The following FANCA variants were observed in gnomAD, a reference collection of about 807,000 sequenced individuals.
FANCA encodes the protein FA complementation group A.
A neutral mutation model predicts 194.3 loss-of-function variants in FANCA; 236 were observed. The ratio of observed to expected loss-of-function variants is 1.21; its 90% CI spans 1.09 to 1.35. The LOEUF (loss-of-function observed/expected upper bound fraction) is 1.35. Among genes scored for constraint, FANCA ranks in the 40% most tolerant of loss-of-function variants. The pLI is 0.00. For missense variants in FANCA, 2,628 were observed against 1,813.9 expected (o/e 1.45, Z -8.15); for synonymous variants, 1,014 against 715.8 (o/e 1.42, Z -6.65).
At chr16:89,778,491 C>A (rs1256688025) in intron 20 of FANCA, 8 of 325,994 alleles carry the variant, frequency 2.5e-5, no homozygotes, top group Non-Finnish European at 4.5e-5. Context: ...AAAAACTTAG[C>A]CAGGCACAGG....
Position 89,738,713 on chromosome 16 carries a change from G to A in FANCA, c.4261-5C>T, listed in dbSNP as rs2151710015. The A allele has an allele frequency of 6.2e-7, 1 of 1,613,712 alleles. No individual in the cohort carries two copies. The highest frequency in any genetic ancestry group is 8.5e-7 in the Non-Finnish European group (1 of 1,179,854). On this transcript the variant is annotated splice_polypyrimidine_tract_variant and splice_region_variant and intron_variant, in intron 42 of 42. Transcript: ENST00000389301. Reference sequence around the variant, plus strand: ...GTCCCCACGATCAGCCAGCAGCTGTGAGAGAGGAGCAGGTCCTCAGCCCAT... The same window carrying A: ...GTCCCCACGATCAGCCAGCAGCTGTAAGAGAGGAGCAGGTCCTCAGCCCAT...
rs752776388 is a variant in FANCA, at chr16:89,816,590, G to C, written c.26C>G (p.Ser9Cys). The C allele has an allele frequency of 4.6e-6, 7 of 1,526,262 alleles. No homozygotes were observed. The highest frequency in any genetic ancestry group is 2.5e-5 in the East Asian group (1 of 39,316). 94.5% of individuals were successfully genotyped at this position (1,526,262 alleles called of 1,614,324 possible). A position where few individuals can be genotyped will look rare whatever the true frequency, so the allele number is the denominator to read the frequency against. The change falls in exon 1 of 43, where the codon TCC (serine) becomes TGC (cysteine). Residue 9 changes from serine (S) to cysteine (C), a missense_variant. By Grantham distance (112) the Ser-to-Cys change is moderately radical (BLOSUM62 -1). Transcript: ENST00000389301. ...GCCCCCTGGGTCCTGGCCCGAGGCG[G>C]AGTTCGGGACCCACGAGTCGGACAT... MSDSWVPN[S>C]ASGQDPGGRR...
chr16:89,800,760 G>A (rs112310829), intron 8 of FANCA, among the ~76,000 whole-genome samples: 4 of 152,330 alleles, frequency 2.6e-5, no homozygotes, highest in African/African-American at 9.6e-5. Context: ...GCCGGGAACT[G>A]TGGCCCACGC....
chr16:89,747,548 A>C (rs1205812976), intron 33 of FANCA, among the ~76,000 whole-genome samples: 2 of 151,838 alleles, frequency 1.3e-5, no homozygotes, highest in Non-Finnish European at 2.9e-5. Context: ...AAAATACAAA[A>C]CTTAGCCGGT....
At chr16:89,761,199 C>T (rs571479739) in intron 29 of FANCA, among the ~76,000 whole-genome samples, 1 of 152,262 alleles carries the variant, frequency 6.6e-6, no homozygotes, top group East Asian at 1.9e-4. Flanking sequence ...GCAAGTGGAT[C>T]ACGAGGTCAG....
At chr16:89,747,017 A>C (rs1157391735) in intron 33 of FANCA, 127 bp from the exon 34 acceptor site, 2 of 911,704 alleles carry the variant, frequency 2.2e-6, no homozygotes, top group East Asian at 5.4e-5. Context: ...GCCACCATGG[A>C]TGGTGCTCCT....
chr16:89,780,257 G>A (rs1159556030), intron 17 of FANCA, among the ~76,000 whole-genome samples: 1 of 152,100 alleles, frequency 6.6e-6, no homozygotes, highest in Non-Finnish European at 1.5e-5. Flanking sequence ...CCTCTTTCCT[G>A]CCTCCAGGAA....
rs1438828232 is a variant in FANCA, at chr16:89,784,946, G to A, written c.1378C>T (p.Arg460Ter). ...TTCTTGCTGCAGCCATGGTAGCCTC[G>A]TGTGCTCCCAAAGGAGGCCTGTGTG... ...DWFKASFGST[R>*]GYHGCSKKAL... Residue 460 changes from arginine (R) to a stop codon, truncating the protein, a stop_gained, in exon 15 of 43, where the codon CGA becomes TGA. Transcript: ENST00000389301. LOFTEE classifies it high-confidence loss of function. The A allele has an allele frequency of 1.2e-6, 2 of 1,613,888 alleles. No individual in the cohort carries two copies. Among genetic ancestry groups the A allele is most frequent in the Non-Finnish European group, 1.7e-6 (2 of 1,179,832 alleles).
intron 3 of FANCA, among the ~76,000 whole-genome samples, chr16:89,811,985 C>G (rs959400711): frequency 2.6e-5 from 4 of 151,234 alleles, no homozygotes; most frequent in African/African-American, 9.7e-5. Context: ...CCCGCCTCGG[C>G]CTCCCATACT....
intron 14 of FANCA, chr16:89,790,957 G>C (rs916073074): frequency 1.4e-5 from 3 of 217,274 alleles, no homozygotes; most frequent in Non-Finnish European, 2.8e-5. Flanking sequence ...AGCCTCCCGA[G>C]TAACGAGGAC....
chr16:89,781,416 G>A (rs775104531), intron 17 of FANCA, among the ~76,000 whole-genome samples: 1 of 145,820 alleles, frequency 6.9e-6, no homozygotes, highest in Non-Finnish European at 1.5e-5. Context: ...GCTCATGCCT[G>A]TAATCCCAGG....
intron 28 of FANCA, 73 bp downstream of exon 28, chr16:89,764,817 T>A: frequency 6.4e-7 from 1 of 1,552,106 alleles, no homozygotes; most frequent in East Asian, 2.3e-5. Flanking sequence ...GTGCTGCTGT[T>A]CTTGCCCGAG....
At chr16:89,793,328 C>A (rs2040140772) in intron 11 of FANCA, among the ~76,000 whole-genome samples, 1 of 152,170 alleles carries the variant, frequency 6.6e-6, no homozygotes, top group African/African-American at 2.4e-5. Context: ...TAACAGAAGG[C>A]TCACACTCTT....
chr16:89,758,709 G>A lies in FANCA; in HGVS notation c.2853-4C>T, dbSNP rs1289126600. 1 of 1,613,416 alleles carries A rather than the reference G, an allele frequency of 6.2e-7. No individual in the cohort carries two copies. The highest frequency in any genetic ancestry group is 8.5e-7 in the Non-Finnish European group (1 of 1,179,516). On this transcript the variant is annotated splice_polypyrimidine_tract_variant and splice_region_variant and intron_variant, in intron 29 of 42. Coordinates refer to ENST00000389301, the MANE Select transcript of FANCA (RefSeq NM_000135.4). ...CGCCCACTGGTGGAAGTCCTGCCTAGAACAGCAAACACTGCTATCAATTCT... is the reference window on the plus strand; with the variant it reads ...CGCCCACTGGTGGAAGTCCTGCCTAAAACAGCAAACACTGCTATCAATTCT...
chr16:89,797,543 G>C (rs571039587), intron 10 of FANCA, among the ~76,000 whole-genome samples: 7 of 152,264 alleles, frequency 4.6e-5, no homozygotes, highest in Middle Eastern at 3.4e-3. Flanking sequence ...CAGTGTGCAA[G>C]GGAAGCTGGC....
At chr16:89,757,126 C>T (rs1246778214) in intron 30 of FANCA, among the ~76,000 whole-genome samples, 2 of 152,152 alleles carry the variant, frequency 1.3e-5, no homozygotes, top group Non-Finnish European at 2.9e-5. Flanking sequence ...TAGGCACACA[C>T]TACCATGCCT....
At chr16:89,795,371 G>C (rs1181133779) in intron 11 of FANCA, among the ~76,000 whole-genome samples, 1 of 151,866 alleles carries the variant, frequency 6.6e-6, no homozygotes, top group Non-Finnish European at 1.5e-5. Context: ...GCTCACACCT[G>C]TAATCCCAAC....
chr16:89,784,520 G>A (rs1050558250), intron 15 of FANCA, among the ~76,000 whole-genome samples: 1 of 151,086 alleles, frequency 6.6e-6, no homozygotes, highest in South Asian at 2.1e-4. Context: ...GTCTCTCCAC[G>A]TCACCACTCA....
At chr16:89,739,817 A>T (rs1471095424) in intron 39 of FANCA, 177 bp downstream of exon 39, 1 of 1,467,052 alleles carries the variant, frequency 6.8e-7, no homozygotes, top group Non-Finnish European at 9.0e-7. Flanking sequence ...TTGACCAGTG[A>T]GCCAGTAAAT....
Sources: gnomAD v4.1 joint callset for allele counts (sites outside exome capture counted in the v4.1 genomes callset) on GRCh38, gnomAD v4.1.1 for gene constraint, MANE v1.5 for transcripts, NCBI Gene and HGNC (gene_info 2026-07-23, HGNC 2026-07-21) for gene names.